Variants in SLC12A4 observed in about 807,000 individuals in gnomAD.
The protein encoded by SLC12A4 is solute carrier family 12 member 4.
Under a neutral mutation model 119.2 loss-of-function variants are expected in SLC12A4, and 84 were observed. The observed-to-expected ratio is 0.70, with a 90% confidence interval of 0.59 to 0.85. SLC12A4 has a LOEUF of 0.85. Ranked by LOEUF, SLC12A4 falls within the 40% of genes least tolerant of loss-of-function variation. SLC12A4 has a pLI of 0.00. For missense variants in SLC12A4, 1,298 were observed against 1,476.3 expected, an observed-to-expected ratio of 0.88 and a Z score of 1.98; for synonymous variants, 599 against 604.6, an observed-to-expected ratio of 0.99 and a Z score of 0.14.
rs958562607 is a variant in SLC12A4, at chr16:67,949,690, A to T, written c.1748+110T>A. ...CCTGTCAGGCCACATCTCCCCATGC[A>T]GCCTGCCACATCTCCCAGCTGGACC... On this transcript the variant is annotated intron_variant, in intron 13 of 23. Transcript: ENST00000316341. The surrounding 1 kb of genome is among the most constrained non-coding windows in gnomAD (Gnocchi z 4.6). The T allele has an allele frequency of 1.4e-6, 1 of 716,110 alleles. No homozygotes were observed. The highest frequency in any genetic ancestry group is 2.7e-5 in the Admixed American group (1 of 37,652). 44.4% of individuals were successfully genotyped at this position (716,110 alleles called of 1,614,324 possible). A position where few individuals can be genotyped will look rare whatever the true frequency, so the allele number is the denominator to read the frequency against.
rs558243044 is a variant in SLC12A4 at position 67,944,371 on chromosome 16, T to A, written c.*469A>T. On this transcript the variant is annotated 3_prime_UTR_variant, in exon 24 of 24. Transcript: ENST00000316341. This position sits in a 1 kb window ranked among gnomAD's most constrained non-coding sequence, Gnocchi z 6.6. The stretch of plus-strand genomic sequence containing the variant: ...TTTATTGAAAAAGTCAGGCCTCAGC[T>A]CAGCTGTCTCCATTCGGCTCAGCTT... 290 of 1,341,982 alleles carry A rather than the reference T, an allele frequency of 2.2e-4. 4 individuals are homozygous for A. In the East Asian group the frequency reaches 6.3e-3, roughly 29 times the overall value. 83.1% of individuals were successfully genotyped at this position (1,341,982 alleles called of 1,614,324 possible).
rs750218423 is a variant in SLC12A4, at chr16:67,957,791, C to T, written c.495G>A (p.Leu165=). The T allele has an allele frequency of 3.1e-6, 5 of 1,614,134 alleles. No individual in the cohort carries two copies. Among genetic ancestry groups the T allele is most frequent in the South Asian group, 2.2e-5 (2 of 91,078 alleles). Reference sequence around the variant, plus strand: ...TGGCACTCATGGAGATGGCCGTCAGCAGGGTCTGTGGGAAGGAGGGCCTGG... The same window carrying T: ...TGGCACTCATGGAGATGGCCGTCAGTAGGGTCTGTGGGAAGGAGGGCCTGG... The part of the protein sequence containing the change: ...LIVLICCCCT[L]LTAISMSAIA... The change falls in exon 5 of 24, where the codon CTG becomes CTA. Residue 165 remains leucine (L), a synonymous_variant. Coordinates refer to ENST00000316341, the MANE Select transcript of SLC12A4 (RefSeq NM_005072.5).
At chr16:67,945,712 C>T (rs2058336232) in intron 21 of SLC12A4, 52 bp downstream of exon 21, 1 of 1,572,634 alleles carries the variant, frequency 6.4e-7, no homozygotes, top group Non-Finnish European at 8.7e-7. Context: ...ATGCGGTCTC[C>T]AAAGGCCTGA....
At position 67,945,879 on chromosome 16, in the gene SLC12A4, C is replaced by T. The variant is rs1489348505; in HGVS notation, c.2740-8G>A. On this transcript the variant is annotated splice_polypyrimidine_tract_variant and splice_region_variant and intron_variant, in intron 20 of 23. Transcript: ENST00000316341. ...AGAGATGTCACTGTTATGCTGGGGA[C>T]AGGGTTGGCCGTGAGGACCCAGCTG... The T allele has an allele frequency of 2.5e-6, 4 of 1,613,874 alleles. No individual in the cohort carries two copies. The highest frequency in any genetic ancestry group is 3.4e-6 in the Non-Finnish European group (4 of 1,179,892).
chr16:67,946,938 T>A lies in SLC12A4; in HGVS notation c.2240A>T (p.Gln747Leu). ...ESYGEAQAAEQTIKNMMEIEK... is the reference protein window; with the variant it reads ...ESYGEAQAAELTIKNMMEIEK... ...GCTCTCCCTCCCCAAAGCAAGTACCTGCTCGGCGGCCTGAGCCTCGCCATA... is the reference window on the plus strand; with the variant it reads ...GCTCTCCCTCCCCAAAGCAAGTACCAGCTCGGCGGCCTGAGCCTCGCCATA... Residue 747 changes from glutamine to leucine, a missense_variant and splice_region_variant, in exon 17 of 24, where the codon CAG (glutamine) becomes CTG (leucine). By Grantham distance (113) the Gln-to-Leu change is moderately radical. Transcript: ENST00000316341. 1 of 1,612,712 alleles carries A rather than the reference T, an allele frequency of 6.2e-7. No individual in the cohort carries two copies. The highest frequency in any genetic ancestry group is 8.5e-7 in the Non-Finnish European group (1 of 1,179,722).
Position 67,968,567 on chromosome 16 carries a change from C to CCCCGCCGCA in SLC12A4, c.-23_-15dup. 6.6e-7 allele frequency: 1 copy of CCCCGCCGCA among 1,505,370 alleles called. No homozygotes were observed. The highest frequency in any genetic ancestry group is 8.8e-7 in the Non-Finnish European group (1 of 1,131,814). 93.3% of individuals were successfully genotyped at this position (1,505,370 alleles called of 1,614,324 possible). A position where few individuals can be genotyped will look rare whatever the true frequency, so the allele number is the denominator to read the frequency against. On this transcript the variant is annotated 5_prime_UTR_variant, in exon 1 of 24. Coordinates refer to ENST00000316341, the MANE Select transcript of SLC12A4 (RefSeq NM_005072.5). ...GAAGTGAGGCATCGTGCGGGCTCGG[C>CCCCGCCGCA]CCCGCCGCACCCGCCGTCCCAGCCG... is the stretch of plus-strand genomic sequence containing the variant.
chr16:67,968,466 C>G lies in SLC12A4; in HGVS notation c.88G>C (p.Glu30Gln), dbSNP rs142764160. 1.1e-4 allele frequency: 174 copies of G among 1,581,858 alleles called. No homozygotes were observed. Among genetic ancestry groups the G allele is most frequent in the Non-Finnish European group, 1.4e-4 (166 of 1,168,942 alleles). Residue 30 changes from glutamate to glutamine, a missense_variant, in exon 1 of 24, where the codon GAG becomes CAG. Physicochemically the swap from Glu to Gln is conservative, Grantham distance 29. Transcript: ENST00000316341. ...TCCGAGTCATCCAGCTCGGCGCGCTCCCCGTAGTCCACCCAACTGAGCCCC... is the reference window on the plus strand; with the variant it reads ...TCCGAGTCATCCAGCTCGGCGCGCTGCCCGTAGTCCACCCAACTGAGCCCC... ...LEGLSWVDYG[E>Q]RAELDDSDGH...
intron 5 of SLC12A4, 33 bp from the exon 6 acceptor site, chr16:67,954,806 A>T (rs908929768): frequency 6.8e-6 from 11 of 1,613,250 alleles, no homozygotes; most frequent in Non-Finnish European, 7.6e-6. Flanking sequence ...TGCACAGGTC[A>T]AGGCTGGTTC....
Position 67,945,561 on chromosome 16 carries a change from C to G in SLC12A4, c.2848-8G>C, listed in dbSNP as rs373290700. On this transcript the variant is annotated splice_region_variant and splice_polypyrimidine_tract_variant and intron_variant, in intron 21 of 23. Transcript: ENST00000316341. The stretch of plus-strand genomic sequence containing the variant: ...ATCCTTGACCAGCTGGGCCTGAGGA[C>G]AATTGCAGGAGATAGCCTTGGTCCC... The G allele has an allele frequency of 2.9e-5, 47 of 1,611,904 alleles. No individual in the cohort carries two copies. In the African/African-American group the frequency reaches 5.7e-4, roughly 20 times the overall value.
intron 3 of SLC12A4, among the ~76,000 whole-genome samples, chr16:67,959,440 T>G (rs1230339554): frequency 6.6e-6 from 1 of 152,212 alleles, no homozygotes; most frequent in South Asian, 2.1e-4. Context: ...TCCATGGCCA[T>G]GATCTTGTCT....
chr16:67,957,465 G>A (rs2030329044), intron 5 of SLC12A4: 2 of 419,040 alleles, frequency 4.8e-6, no homozygotes, highest in African/African-American at 4.0e-5. Flanking sequence ...CACCGCGCCT[G>A]GCCTTTTTTT....
chr16:67,964,061 G>A (rs1394000582), intron 1 of SLC12A4: 1 of 1,548,070 alleles, frequency 6.5e-7, no homozygotes, highest in Non-Finnish European at 8.7e-7. Flanking sequence ...ACCCCACCAT[G>A]CACTGCGCGG....
Position 67,954,751 on chromosome 16 carries a change from G to C in SLC12A4, c.567C>G (p.Ile189Met). The C allele has an allele frequency of 6.2e-7, 1 of 1,614,132 alleles. No homozygotes were observed. Among genetic ancestry groups the C allele is most frequent in the Non-Finnish European group, 8.5e-7 (1 of 1,180,010 alleles). Reference sequence around the variant, plus strand: ...CAAATTCTGGCCCCAGTGAACGAGAGATCATGAAATAGGAGCCCCCAGCTA... The same window carrying C: ...CAAATTCTGGCCCCAGTGAACGAGACATCATGAAATAGGAGCCCCCAGCTA... ...VVPAGGSYFM[I>M]SRSLGPEFGG... is the part of the protein sequence containing the mutation. The change falls in exon 6 of 24, where the codon ATC (isoleucine) becomes ATG (methionine). Residue 189 changes from isoleucine (I) to methionine (M), a missense_variant. By Grantham distance (10) the Ile-to-Met change is conservative (BLOSUM62 1). Coordinates refer to ENST00000316341, the MANE Select transcript of SLC12A4 (RefSeq NM_005072.5).
At chr16:67,965,341 G>C (rs1273256125) in intron 1 of SLC12A4, among the ~76,000 whole-genome samples, 1 of 152,094 alleles carries the variant, frequency 6.6e-6, no homozygotes, top group Non-Finnish European at 1.5e-5. Context: ...TGATAAATCA[G>C]GTGCTTCATT....
Position 67,957,976 on chromosome 16 carries a change from G to A in SLC12A4, c.411C>T (p.Leu137=). The A allele has an allele frequency of 1.9e-6, 3 of 1,614,232 alleles. No individual in the cohort carries two copies. The highest frequency in any genetic ancestry group is 2.5e-6 in the Non-Finnish European group (3 of 1,180,034). ...CCACCATCCAGGTCAGCCGCAGGAAGAGGATAACCCCAAAGATATTCTGCA... is the reference window on the plus strand; with the variant it reads ...CCACCATCCAGGTCAGCCGCAGGAAAAGGATAACCCCAAAGATATTCTGCA... The part of the protein sequence containing the change: ...PCLQNIFGVI[L]FLRLTWMVGT... Residue 137 remains leucine, a synonymous_variant, in exon 4 of 24, where the codon CTC becomes CTT. Transcript: ENST00000316341.
At chr16:67,958,086 G>T (rs755231372) in intron 3 of SLC12A4, 42 bp from the exon 4 acceptor site, 106 of 1,597,538 alleles carry the variant, frequency 6.6e-5, no homozygotes, top group Non-Finnish European at 8.9e-5. Flanking sequence ...AGCATCAGAG[G>T]GATGCACCAT....
chr16:67,955,561 A>G (rs7194088), intron 5 of SLC12A4, among the ~76,000 whole-genome samples: 8,325 of 152,028 alleles, frequency 0.055, 658 homozygotes, highest in African/African-American at 0.18. Context: ...GTCTCTACTA[A>G]AAAAAGGAAA....
At position 67,946,568 on chromosome 16, in the gene SLC12A4, C is replaced by G. The variant is rs1383769076; in HGVS notation, c.2307G>C (p.Lys769Asn). 2 of 1,612,918 alleles carry G rather than the reference C, an allele frequency of 1.2e-6. No homozygotes were observed. Among genetic ancestry groups the G allele is most frequent in the Admixed American group, 3.3e-5 (2 of 60,032 alleles). ...TGAGGTGGGCCAGCCCCTCCCGCAC[C>G]TTGCTGGCCACCACCACCTGGCAGA... Reference protein sequence around the residue: ...KGFCQVVVASKVREGLAHLIQ... With the variant: ...KGFCQVVVASNVREGLAHLIQ... Residue 769 changes from lysine (K) to asparagine (N), a missense_variant, in exon 18 of 24, where the codon AAG becomes AAC. Coordinates refer to ENST00000316341, the MANE Select transcript of SLC12A4 (RefSeq NM_005072.5).
intron 5 of SLC12A4, 38 bp from the exon 6 acceptor site, chr16:67,954,811 T>C: frequency 6.2e-7 from 1 of 1,611,700 alleles, no homozygotes; most frequent in African/African-American, 1.3e-5. Context: ...AGGTCAAGGC[T>C]GGTTCTTCTT....
Sources: allele counts gnomAD v4.1 joint callset (sites outside exome capture counted in the v4.1 genomes callset), GRCh38; gene constraint gnomAD v4.1.1; non-coding constraint Gnocchi (gnomAD v3.1); transcripts MANE v1.5; gene names NCBI Gene and HGNC (gene_info 2026-07-23, HGNC 2026-07-21).